The following IGFL4 variants were observed in gnomAD, a reference collection of about 807,000 sequenced individuals.
IGFL4 encodes insulin growth factor-like family member 4.
A neutral mutation model predicts 15.4 loss-of-function variants in IGFL4; 12 were observed. The observed-to-expected ratio is 0.78, with a 90% CI of 0.50 to 1.26. The LOEUF (loss-of-function observed/expected upper bound fraction) is 1.26, where lower values mean the gene tolerates loss of function less well. Among genes scored for constraint, IGFL4 ranks in the 50% most tolerant of loss-of-function variants. IGFL4 has a pLI of 0.00. For synonymous variants in IGFL4, 54 were observed against 55.9 expected, an observed-to-expected ratio of 0.97 and a Z score of 0.16; for missense variants, 126 against 147.8, an observed-to-expected ratio of 0.85 and a Z score of 0.76.
intron 2 of IGFL4, among the ~76,000 whole-genome samples, chr19:46,048,570 C>T (rs1473132896): frequency 6.6e-6 from 1 of 152,126 alleles, no homozygotes; most frequent in Admixed American, 6.5e-5. Flanking sequence ...CTTCAGCAGT[C>T]TCAGGATACC....
At chr19:46,060,703 T>A (rs532934013) in intron 1 of IGFL4, among the ~76,000 whole-genome samples, 4 of 152,172 alleles carry the variant, frequency 2.6e-5, no homozygotes, top group African/African-American at 9.7e-5. Flanking sequence ...TAAGTTATAT[T>A]AGAATAATAA....
intron 2 of IGFL4, among the ~76,000 whole-genome samples, chr19:46,053,355 C>T (rs1409041600): frequency 1.3e-5 from 2 of 152,146 alleles, no homozygotes; most frequent in Admixed American, 1.3e-4. Context: ...GCTGGGATTA[C>T]AGGCACCCAC....
intron 1 of IGFL4, among the ~76,000 whole-genome samples, chr19:46,060,976 C>A (rs1969439490): frequency 6.6e-6 from 1 of 152,128 alleles, no homozygotes; most frequent in Non-Finnish European, 1.5e-5. Context: ...AACAGATTTT[C>A]TTTAAAAAGC....
Position 46,039,668 on chromosome 19 carries a change from T to C in IGFL4, c.*224A>G, listed in dbSNP as rs1472964059. On this transcript the variant is annotated 3_prime_UTR_variant, in exon 4 of 4. Coordinates refer to ENST00000377697, the MANE Select transcript of IGFL4 (RefSeq NM_001002923.3). ...TCTGTGAAGCAATTGTGAATGGGAG[T>C]TCACTCATGATTTGGCTCTCTGTTT... 9.4e-6 allele frequency: 4 copies of C among 425,784 alleles called. No homozygotes were observed. The allele number at this position is 425,784 out of a possible 1,614,324, so 26.4% of individuals were successfully genotyped here.
intron 1 of IGFL4, among the ~76,000 whole-genome samples, chr19:46,076,677 CATT>C (rs1283180625): frequency 7.1e-6 from 1 of 140,316 alleles, no homozygotes; most frequent in Admixed American, 7.1e-5. Flanking sequence ...ATTATAAATA[CATT>C]ATTTATAATA....
At chr19:46,052,679 G>A (rs987164198) in intron 2 of IGFL4, among the ~76,000 whole-genome samples, 5 of 150,192 alleles carry the variant, frequency 3.3e-5, no homozygotes, top group East Asian at 1.9e-4. Context: ...CCGAGATTGC[G>A]CCATTGCACT....
At chr19:46,059,115 A>C (rs1440792576) in intron 2 of IGFL4, 1 of 152,108 alleles carries the variant, frequency 6.6e-6, no homozygotes, top group Non-Finnish European at 1.5e-5. Context: ...TTCTTACTAC[A>C]ACCTGTTTTA....
At chr19:46,055,030 G>GC (rs1969380501) in intron 2 of IGFL4, among the ~76,000 whole-genome samples, 1 of 152,124 alleles carries the variant, frequency 6.6e-6, no homozygotes, top group Non-Finnish European at 1.5e-5. Context: ...TGGTGACTAA[G>GC]GAGGGAAACC....
At chr19:46,055,016 G>A (rs1969380313) in intron 2 of IGFL4, among the ~76,000 whole-genome samples, 1 of 152,116 alleles carries the variant, frequency 6.6e-6, no homozygotes, top group Non-Finnish European at 1.5e-5. Flanking sequence ...CATCTTTGGT[G>A]TCTTGGTGAC....
At chr19:46,061,416 A>G (rs1969443803) in intron 1 of IGFL4, among the ~76,000 whole-genome samples, 1 of 152,194 alleles carries the variant, frequency 6.6e-6, no homozygotes, top group South Asian at 2.1e-4. Context: ...TATAAACATT[A>G]CACACAACAC....
Position 46,040,185 on chromosome 19 carries a change from G to A in IGFL4, c.302C>T (p.Ser101Phe). 6.2e-7 allele frequency: 1 copy of A among 1,614,006 alleles called. No individual in the cohort carries two copies. The highest frequency in any genetic ancestry group is 8.5e-7 in the Non-Finnish European group (1 of 1,180,032). Residue 101 changes from serine to phenylalanine, a missense_variant, in exon 3 of 4, where the codon TCC (serine) becomes TTC (phenylalanine). Transcript: ENST00000377697. The surrounding 1 kb of genome is among the most constrained non-coding windows in gnomAD (Gnocchi z 4.1). ...KVPGMKPDCK[S>F]SPITRICAQE... ...GGCACAGATCCTGGTGATAGGGGAG[G>A]ACTTGCAATCTGGCTTCATGCCTGG... is the stretch of plus-strand genomic sequence containing the variant.
intron 1 of IGFL4, among the ~76,000 whole-genome samples, chr19:46,070,546 T>A (rs532039123): frequency 6.6e-6 from 1 of 152,134 alleles, no homozygotes; most frequent in Middle Eastern, 3.2e-3. Context: ...GTTGTGTGAT[T>A]GTGCAGAGTC....
At chr19:46,073,543 G>A (rs979531712) in intron 1 of IGFL4, among the ~76,000 whole-genome samples, 3 of 152,074 alleles carry the variant, frequency 2.0e-5, no homozygotes, top group Admixed American at 6.5e-5. Flanking sequence ...TGATGGATGC[G>A]GTCCCGTAAC....
upstream of IGFL4, among the ~76,000 whole-genome samples, chr19:46,077,455 C>CG (rs1198164660): frequency 6.6e-6 from 1 of 152,170 alleles, no homozygotes. The surrounding 1 kb of genome is among the most constrained non-coding windows in gnomAD (Gnocchi z 5.4). Flanking sequence ...TGAGGTAGCT[C>CG]GGGGGCAGCC....
chr19:46,065,740 G>A (rs1255651530), intron 1 of IGFL4, among the ~76,000 whole-genome samples: 4 of 152,228 alleles, frequency 2.6e-5, no homozygotes, highest in African/African-American at 7.2e-5. Flanking sequence ...CAGAAATGTG[G>A]AGCACAATGA....
At position 46,040,498 on chromosome 19, in the gene IGFL4, C is replaced by G. The variant is rs373582978; in HGVS notation, c.70+20G>C. The G allele has an allele frequency of 1.2e-5, 19 of 1,614,022 alleles. No individual in the cohort carries two copies. In the African/African-American group the frequency reaches 2.5e-4, roughly 22 times the overall value. On this transcript the variant is annotated intron_variant, in intron 2 of 3. Transcript: ENST00000377697. The surrounding 1 kb of genome is among the most constrained non-coding windows in gnomAD (Gnocchi z 4.1). ...CAACCTTAATGCTGTTCTCTCCTCC[C>G]TCACTGCATCTGTTCTCACCTGTGA...
intron 2 of IGFL4, chr19:46,058,775 GGCCCCA>G (rs759668012): frequency 6.6e-6 from 1 of 152,222 alleles, no homozygotes; most frequent in Non-Finnish European, 1.5e-5. Flanking sequence ...TTCAAGCCAT[GGCCCCA>G]GCTGTACCTT....
At chr19:46,043,621 T>C (rs551433026), upstream of IGFL4, among the ~76,000 whole-genome samples, 1 of 152,108 alleles carries the variant, frequency 6.6e-6, no homozygotes, top group African/African-American at 2.4e-5. Flanking sequence ...CAGAACAGAT[T>C]TCAGAAATAA....
rs76961865 is a variant in IGFL4 at position 46,054,580 on chromosome 19, C to T, written c.-323+5605G>A. ...TTCTTTTTACTCAAGATTGCTTTGGCTTTTTCAGGTCTCTTGTGGTGTACT... is the reference window on the plus strand; with the variant it reads ...TTCTTTTTACTCAAGATTGCTTTGGTTTTTTCAGGTCTCTTGTGGTGTACT... On this transcript the variant is annotated intron_variant, in intron 2 of 5. Coordinates refer to the IGFL4 transcript ENST00000601672. Among the ~76,000 whole-genome samples, 38 of 152,246 alleles carry T rather than the reference C, an allele frequency of 2.5e-4. 1 individual carries two copies. The East Asian group carries it at 7.3e-3, about 29-fold the overall frequency.
Sources: gnomAD v4.1 joint callset for allele counts (sites outside exome capture counted in the v4.1 genomes callset) on GRCh38, gnomAD v4.1.1 for gene constraint, Gnocchi (gnomAD v3.1) non-coding constraint, MANE v1.5 for transcripts, NCBI Gene and HGNC (gene_info 2026-07-23, HGNC 2026-07-21) for gene names.